The following MYO5B variants were observed in gnomAD, a reference collection of about 807,000 sequenced individuals.
MYO5B encodes unconventional myosin-Vb.
In MYO5B, 143 loss-of-function variants were observed where a neutral mutation model predicts 229.3. The ratio of observed to expected loss-of-function variants is 0.62; its 90% CI spans 0.54 to 0.72. The LOEUF is 0.72. Among genes scored for constraint, MYO5B ranks in the 30% least tolerant of loss-of-function variants. The pLI is 0.00. For missense variants in MYO5B, 2,321 were observed against 2,331.0 expected (o/e 1.00, Z 0.09); for synonymous variants, 918 against 885.2 (o/e 1.04, Z -0.66).
intron 29 of MYO5B, among the ~76,000 whole-genome samples, chr18:49,859,189 G>A (rs983564744): frequency 3.9e-5 from 6 of 152,264 alleles, no homozygotes; most frequent in Admixed American, 2.0e-4. Flanking sequence ...TCACCTCCAC[G>A]CCCTGGGCCT....
At chr18:50,120,611 C>A (rs1179869950) in intron 1 of MYO5B, among the ~76,000 whole-genome samples, 1 of 152,194 alleles carries the variant, frequency 6.6e-6, no homozygotes, top group Non-Finnish European at 1.5e-5. Context: ...GCCAGCAATC[C>A]AGGGTCCCAG....
chr18:49,971,200 G>T (rs968484904), intron 10 of MYO5B, among the ~76,000 whole-genome samples: 4 of 152,190 alleles, frequency 2.6e-5, no homozygotes, highest in African/African-American at 9.7e-5. Context: ...CCATAGTCAT[G>T]AATAGAATAA....
chr18:50,107,175 A>G (rs923020043), intron 1 of MYO5B, among the ~76,000 whole-genome samples: 7 of 123,504 alleles, frequency 5.7e-5, no homozygotes, highest in South Asian at 2.8e-4. Flanking sequence ...GTTGGAGTAG[A>G]GTGGCACGAT....
chr18:50,105,232 TAAATAAATAAATAAATAAAA>T (rs1156359821), intron 1 of MYO5B, among the ~76,000 whole-genome samples: 3 of 145,444 alleles, frequency 2.1e-5, no homozygotes, highest in African/African-American at 7.7e-5. Context: ...AATAAATAAA[TAAATAAATAAATAAATAAAA>T]AATAGATAAA....
rs987574447 is a variant in MYO5B, at chr18:50,026,293, C to T, written c.455+10557G>A. Among the ~76,000 whole-genome samples, 13 of 28,160 alleles carry T rather than the reference C, an allele frequency of 4.6e-4. No individual in the cohort carries two copies. In the Admixed American group the frequency reaches 5.1e-3, roughly 11 times the overall value. 18.5% of individuals were successfully genotyped at this position (28,160 alleles called of 152,430 possible). ...AATGGAATATATTATTTTCTGTTTA[C>T]GTTTACAGTGTCTGTAAACTGTAAA... On this transcript the variant is annotated intron_variant, in intron 4 of 39. Transcript: ENST00000285039.
chr18:49,978,136 C>T (rs960142591), intron 9 of MYO5B, among the ~76,000 whole-genome samples: 3 of 152,158 alleles, frequency 2.0e-5, no homozygotes, highest in African/African-American at 7.2e-5. Context: ...CAGGTAGCAT[C>T]CAAACCTCAA....
intron 1 of MYO5B, among the ~76,000 whole-genome samples, chr18:50,077,484 AACACACACACACACACAAAC>A (rs1224039595): frequency 2.8e-5 from 3 of 108,146 alleles, no homozygotes; most frequent in African/African-American, 9.6e-5. Flanking sequence ...ATCAAGGCAA[AACACACACACACACACAAAC>A]ACACACACAC....
chr18:50,070,636 T>C (rs1323520915), intron 1 of MYO5B, among the ~76,000 whole-genome samples: 1 of 152,052 alleles, frequency 6.6e-6, no homozygotes, highest in Non-Finnish European at 1.5e-5. Flanking sequence ...TGTTCTAGAA[T>C]CATCTCAAAA....
chr18:50,094,494 C>T (rs1371363956), intron 1 of MYO5B, among the ~76,000 whole-genome samples: 1 of 151,992 alleles, frequency 6.6e-6, no homozygotes, highest in Non-Finnish European at 1.5e-5. Context: ...TTTAAAACCT[C>T]AAGATTTCAT....
chr18:49,831,369 T>G (rs1307937532), intron 39 of MYO5B, among the ~76,000 whole-genome samples: 1 of 152,170 alleles, frequency 6.6e-6, no homozygotes, highest in Non-Finnish European at 1.5e-5. Flanking sequence ...AAATCATATC[T>G]GATAAGGATT....
chr18:49,918,729 C>G (rs938291252), intron 17 of MYO5B, among the ~76,000 whole-genome samples: 1 of 152,224 alleles, frequency 6.6e-6, no homozygotes, highest in African/African-American at 2.4e-5. Context: ...CTACCAGGAC[C>G]AACAGGCTGT....
chr18:50,047,881 T>C (rs961680827), intron 2 of MYO5B, among the ~76,000 whole-genome samples: 27 of 137,264 alleles, frequency 2.0e-4, no homozygotes, highest in African/African-American at 6.9e-4. Context: ...TAGGTAGGAA[T>C]TGAACAATGA....
intron 4 of MYO5B, among the ~76,000 whole-genome samples, chr18:50,013,273 T>C (rs10469004): frequency 0.98 from 148,781 of 152,322 alleles, 72,764 homozygotes; most frequent in East Asian, 1. Flanking sequence ...CTACCCACTT[T>C]TTTCAGCCAC....
At chr18:50,128,215 A>AG (rs1376399780) in intron 1 of MYO5B, among the ~76,000 whole-genome samples, 2 of 152,344 alleles carry the variant, frequency 1.3e-5, no homozygotes, top group East Asian at 3.9e-4. Flanking sequence ...AGAGAGTAAA[A>AG]GGGGAGGAAA....
At chr18:49,928,600 T>C (rs760811668) in intron 17 of MYO5B, among the ~76,000 whole-genome samples, 1 of 152,210 alleles carries the variant, frequency 6.6e-6, no homozygotes, top group Non-Finnish European at 1.5e-5. Context: ...GCCCAGATCA[T>C]GCCACTGCAC....
chr18:49,906,304 C>G, intron 19 of MYO5B, 115 bp downstream of exon 19: 1 of 1,049,498 alleles, frequency 9.5e-7, no homozygotes, highest in South Asian at 1.3e-5. Flanking sequence ...CAGACATGGC[C>G]CCAACAGGAA....
chr18:49,974,442 G>A lies in MYO5B; in HGVS notation c.1230C>T (p.Ala410=). The A allele has an allele frequency of 6.2e-7, 1 of 1,614,178 alleles. No individual in the cohort carries two copies. Residue 410 remains alanine, a synonymous_variant, in exon 10 of 40, where the codon GCC becomes GCT. Transcript: ENST00000285039. ...GCTCCACAATCCAGCCGAACAACTG[G>A]GCATAGATGTGCTTCGCCAGGGCGT... The part of the protein sequence containing the change: ...ARNALAKHIY[A]QLFGWIVEHI...
At chr18:49,902,485 C>T (rs1159841783) in intron 21 of MYO5B, 109 bp downstream of exon 21, 2 of 1,491,780 alleles carry the variant, frequency 1.3e-6, no homozygotes, top group Admixed American at 3.4e-5. Context: ...GACGTCTGTG[C>T]TCCCTCGGGT....
At chr18:50,055,225 G>GGCCCGCCCCCC in intron 2 of MYO5B, 43 bp downstream of exon 2, 1 of 700,376 alleles carries the variant, frequency 1.4e-6, no homozygotes, top group East Asian at 2.7e-5. Context: ...TGAGCTCCCT[G>GGCCCGCCCCCC]CCCCACCTCA....
Sources: allele counts gnomAD v4.1 joint callset (sites outside exome capture counted in the v4.1 genomes callset), GRCh38; gene constraint gnomAD v4.1.1; transcripts MANE v1.5; gene names NCBI Gene and HGNC (gene_info 2026-07-23, HGNC 2026-07-21).